Variants in B3GALT1 observed in about 807,000 individuals in gnomAD.
The protein encoded by B3GALT1 is beta-1,3-galactosyltransferase 1.
A neutral mutation model predicts 23.2 loss-of-function variants in B3GALT1; 10 were observed. The ratio of observed to expected loss-of-function variants is 0.43; its 90% CI spans 0.27 to 0.73. The LOEUF (loss-of-function observed/expected upper bound fraction) is 0.73. Among genes scored for constraint, B3GALT1 ranks in the 30% least tolerant of loss-of-function variants. B3GALT1 has a pLI of 0.21. For synonymous variants in B3GALT1, 156 were observed against 141.5 expected (o/e 1.10, Z -0.73); for missense variants, 299 against 405.4 (o/e 0.74, Z 2.25).
rs561920896 is a variant in B3GALT1 at position 167,658,126 on chromosome 2, A to G, written c.-352+11160A>G. 2.0e-5 allele frequency among the ~76,000 whole-genome samples: 3 copies of G among 152,272 alleles called. No homozygotes were observed. The East Asian group carries it at 5.8e-4, about 29-fold the overall frequency. On this transcript the variant is annotated intron_variant, in intron 3 of 4. Transcript: ENST00000392690. ...TATGTGCTATGTGCCTAGAACTATT[A>G]TAAGTTCTGGGGAAAAGGGTATGAA... is the stretch of plus-strand genomic sequence containing the variant.
intron 1 of B3GALT1, among the ~76,000 whole-genome samples, chr2:167,325,702 C>CTTTTTTTTTTTTT (rs61066636): frequency 4.5e-5 from 5 of 110,566 alleles, no homozygotes; most frequent in Non-Finnish European, 5.9e-5. Flanking sequence ...ACCCTGTTTT[C>CTTTTTTTTTTTTT]TTTTTTTTTT....
chr2:167,548,900 T>C (rs1285253780), intron 2 of B3GALT1, among the ~76,000 whole-genome samples: 12 of 152,312 alleles, frequency 7.9e-5, no homozygotes, highest in Non-Finnish European at 1.5e-5. Context: ...ATTTAATCTC[T>C]TCTGTTCAGG....
chr2:167,801,477 A>G (rs983353441), intron 3 of B3GALT1, among the ~76,000 whole-genome samples: 1 of 152,192 alleles, frequency 6.6e-6, no homozygotes, highest in African/African-American at 2.4e-5. Flanking sequence ...GTCTCATTCA[A>G]CTGGCTTTAT....
In B3GALT1 at chr2:167,316,855, G is replaced by A. The variant is rs1696728285; in HGVS notation, c.-511+23521G>A. Among the ~76,000 whole-genome samples the A allele has an allele frequency of 2.0e-5, 3 of 152,214 alleles. No homozygotes were observed. In the South Asian group the frequency reaches 6.2e-4, roughly 32 times the overall value. On this transcript the variant is annotated intron_variant, in intron 1 of 4. Transcript: ENST00000392690. The stretch of plus-strand genomic sequence containing the variant: ...CTTGCACTCGAGTCCTTGTCACAGG[G>A]TCTGATTTTGAGAGAGTTCAATCTA...
Position 167,378,329 on chromosome 2 carries a change from G to A in B3GALT1, c.-511+84995G>A, listed in dbSNP as rs149326675. Among the ~76,000 whole-genome samples the A allele has an allele frequency of 6.2e-3, 944 of 151,934 alleles. 6 individuals carry two copies. The highest frequency in any genetic ancestry group is 0.021 in the African/African-American group (866 of 41,430). On this transcript the variant is annotated intron_variant, in intron 1 of 4. Transcript: ENST00000392690. ...TGATGTTCATTTTTTGTAGTATCTC[G>A]CAGGTGTTCTCTGGATTTCTTGTAT...
At chr2:167,703,939 T>A (rs1334589947) in intron 3 of B3GALT1, among the ~76,000 whole-genome samples, 8 of 152,066 alleles carry the variant, frequency 5.3e-5, no homozygotes, top group Non-Finnish European at 7.4e-5. Context: ...CCCAGCACTT[T>A]GGGAGGCCAA....
At chr2:167,428,217 C>G (rs1389347411) in intron 1 of B3GALT1, among the ~76,000 whole-genome samples, 2 of 152,160 alleles carry the variant, frequency 1.3e-5, no homozygotes, top group Non-Finnish European at 2.9e-5. Flanking sequence ...CACTTTTAAA[C>G]AGGATCTTAC....
At chr2:167,636,317 C>T (rs1378427797) in intron 2 of B3GALT1, among the ~76,000 whole-genome samples, 2 of 151,694 alleles carry the variant, frequency 1.3e-5, no homozygotes, top group African/African-American at 4.8e-5. Context: ...TTCAAAAGAC[C>T]CTCTCTTCAC....
chr2:167,511,983 A>G lies in B3GALT1; in HGVS notation c.-410+21706A>G, dbSNP rs564947610. Among the ~76,000 whole-genome samples the G allele has an allele frequency of 9.2e-5, 14 of 152,328 alleles. No homozygotes were observed. In the South Asian group the frequency reaches 2.7e-3, roughly 29 times the overall value. On this transcript the variant is annotated intron_variant, in intron 2 of 4. Coordinates refer to ENST00000392690, the MANE Select transcript of B3GALT1 (RefSeq NM_020981.4). Reference sequence around the variant, plus strand: ...AAGTCCCTTCTCTCTTGGGGCTCACATTCTGACAACAGGAGATATAAAAAT... The same window carrying G: ...AAGTCCCTTCTCTCTTGGGGCTCACGTTCTGACAACAGGAGATATAAAAAT...
At chr2:167,436,779 G>A (rs1478684127) in intron 1 of B3GALT1, among the ~76,000 whole-genome samples, 1 of 151,964 alleles carries the variant, frequency 6.6e-6, no homozygotes, top group African/African-American at 2.4e-5. Flanking sequence ...CAGTTAAGAG[G>A]GTGCTGGAAT....
At chr2:167,717,836 C>T (rs781451168) in intron 3 of B3GALT1, among the ~76,000 whole-genome samples, 5 of 152,280 alleles carry the variant, frequency 3.3e-5, no homozygotes, top group African/African-American at 4.8e-5. Context: ...TTTCCAGATT[C>T]ACCTCAATAT....
intron 2 of B3GALT1, among the ~76,000 whole-genome samples, chr2:167,561,726 G>A (rs1027566337): frequency 1.3e-5 from 2 of 152,202 alleles, no homozygotes; most frequent in African/African-American, 4.8e-5. Flanking sequence ...TAAATTCCTT[G>A]ACACATACAC....
intron 1 of B3GALT1, among the ~76,000 whole-genome samples, chr2:167,327,889 A>C (rs1409968418): frequency 6.6e-6 from 1 of 152,048 alleles, no homozygotes; most frequent in East Asian, 1.9e-4. Flanking sequence ...ATTTTGAGTT[A>C]TGTTTCTTCT....
intron 1 of B3GALT1, among the ~76,000 whole-genome samples, chr2:167,421,484 T>A (rs1698545912): frequency 6.6e-6 from 1 of 152,212 alleles, no homozygotes; most frequent in South Asian, 2.1e-4. Flanking sequence ...ATGTAGTTAC[T>A]CTTTATAGGT....
At chr2:167,624,104 C>A (rs768489918) in intron 2 of B3GALT1, among the ~76,000 whole-genome samples, 2 of 151,966 alleles carry the variant, frequency 1.3e-5, no homozygotes. Flanking sequence ...CGAACAAAAT[C>A]ATAGAATCTG....
chr2:167,739,629 A>G (rs1177794164), intron 3 of B3GALT1, among the ~76,000 whole-genome samples: 1 of 152,044 alleles, frequency 6.6e-6, no homozygotes, highest in African/African-American at 2.4e-5. Flanking sequence ...GCTTTTCTCT[A>G]CCTAACGTAT....
intron 1 of B3GALT1, among the ~76,000 whole-genome samples, chr2:167,301,717 A>AT (rs1321954546): frequency 6.6e-6 from 1 of 152,018 alleles, no homozygotes; most frequent in African/African-American, 2.4e-5. Flanking sequence ...CACCTGGCTA[A>AT]TTTTTTATTT....
intron 3 of B3GALT1, among the ~76,000 whole-genome samples, chr2:167,690,674 G>A (rs1686698100): frequency 6.6e-6 from 1 of 152,104 alleles, no homozygotes; most frequent in Non-Finnish European, 1.5e-5. Context: ...TACAAGAGCT[G>A]AAATAGTTTT....
At chr2:167,851,734 T>C (rs1051338613) in intron 4 of B3GALT1, among the ~76,000 whole-genome samples, 1 of 152,194 alleles carries the variant, frequency 6.6e-6, no homozygotes, top group African/African-American at 2.4e-5. Context: ...CCAGCCCAAG[T>C]AGAAGATAAA....
Sources: gnomAD v4.1 joint callset for allele counts (sites outside exome capture counted in the v4.1 genomes callset) on GRCh38, gnomAD v4.1.1 for gene constraint, MANE v1.5 for transcripts, NCBI Gene and HGNC (gene_info 2026-07-23, HGNC 2026-07-21) for gene names.